The following HDGFL3 variants were observed in gnomAD, a reference collection of about 807,000 sequenced individuals.
The protein encoded by HDGFL3 is hepatoma-derived growth factor-related protein 3.
Under a neutral mutation model 27.6 loss-of-function variants are expected in HDGFL3, and 6 were observed. The ratio of observed to expected loss-of-function variants is 0.22; its 90% CI spans 0.12 to 0.43. The LOEUF is 0.43. HDGFL3 is among the 20% of genes least tolerant of loss of function. HDGFL3 has a pLI of 1.00. For missense variants in HDGFL3, 207 were observed against 250.1 expected, an observed-to-expected ratio of 0.83 and a Z score of 1.16; for synonymous variants, 88 against 88.9, an observed-to-expected ratio of 0.99 and a Z score of 0.05.
At chr15:83,203,278 G>A (rs1009910376) in intron 1 of HDGFL3, among the ~76,000 whole-genome samples, 8 of 151,962 alleles carry the variant, frequency 5.3e-5, no homozygotes, top group Non-Finnish European at 7.4e-5. Flanking sequence ...GAAGAAAACA[G>A]AATTTTGATT....
chr15:83,133,015 C>G lies in HDGFL3; in HGVS notation c.*6255G>C, dbSNP rs1284644866. On this transcript the variant is annotated 3_prime_UTR_variant, in exon 6 of 6. Coordinates refer to ENST00000299633, the MANE Select transcript of HDGFL3 (RefSeq NM_016073.4). ...TATTTCAGTTTTGTACTTGTGTCTACAGAATAGCCCCAAGTGCTTGACACT... is the reference window on the plus strand; with the variant it reads ...TATTTCAGTTTTGTACTTGTGTCTAGAGAATAGCCCCAAGTGCTTGACACT... 1 of 152,180 alleles carries G rather than the reference C, an allele frequency of 6.6e-6. No individual in the cohort carries two copies. The highest frequency in any genetic ancestry group is 2.4e-5 in the African/African-American group (1 of 41,436). 9.4% of individuals were successfully genotyped at this position (152,180 alleles called of 1,614,324 possible).
intron 1 of HDGFL3, among the ~76,000 whole-genome samples, chr15:83,206,221 G>A (rs1384843145): frequency 6.6e-6 from 1 of 152,064 alleles, no homozygotes; most frequent in Non-Finnish European, 1.5e-5. Flanking sequence ...GTGAATGGGT[G>A]TATTTTTTTT....
chr15:83,147,342 G>A (rs556424474), intron 5 of HDGFL3, among the ~76,000 whole-genome samples: 2 of 152,050 alleles, frequency 1.3e-5, no homozygotes, highest in Non-Finnish European at 2.9e-5. Flanking sequence ...CTACAGGTGT[G>A]AGCCACCGCA....
intron 1 of HDGFL3, among the ~76,000 whole-genome samples, chr15:83,196,966 C>T (rs1252074994): frequency 1.3e-5 from 2 of 152,178 alleles, no homozygotes; most frequent in Non-Finnish European, 2.9e-5. Context: ...AGGAGCTGAC[C>T]TAGGGCATGC....
chr15:83,121,518 C>CATT (rs1403048826), intron 3 of HDGFL3, among the ~76,000 whole-genome samples: 12 of 152,222 alleles, frequency 7.9e-5, no homozygotes, highest in Admixed American at 7.8e-4. Context: ...GTCCATTTAA[C>CATT]ATTATCATTG....
rs1162020107 is a variant in HDGFL3, at chr15:83,207,137, G to C, written c.84+194C>G. On this transcript the variant is annotated intron_variant, in intron 1 of 5. Transcript: ENST00000299633. The surrounding 1 kb of genome is among the most constrained non-coding windows in gnomAD (Gnocchi z 4.8). ...GGGCGGAAGGATGGCCGCCCTGGCG[G>C]AGTGCGGGCGAGGCCGGGAGCCCTT... 2.0e-5 allele frequency among the ~76,000 whole-genome samples: 3 copies of C among 152,180 alleles called. No individual in the cohort carries two copies. The highest frequency in any genetic ancestry group is 2.9e-5 in the Non-Finnish European group (2 of 68,020).
intron 3 of HDGFL3, chr15:83,119,808 G>A (rs2035053716): frequency 2.1e-6 from 3 of 1,450,998 alleles, no homozygotes; most frequent in Middle Eastern, 2.1e-4. Context: ...AGTTCCATGG[G>A]TGCACGTCAG....
intron 2 of HDGFL3, among the ~76,000 whole-genome samples, chr15:83,159,972 T>C (rs1341511081): frequency 6.6e-6 from 1 of 152,210 alleles, no homozygotes; most frequent in Non-Finnish European, 1.5e-5. Flanking sequence ...GCTGCTGTAC[T>C]GAAAACAGAC....
chr15:83,175,952 C>T (rs762065398), intron 1 of HDGFL3, among the ~76,000 whole-genome samples: 1 of 152,202 alleles, frequency 6.6e-6, no homozygotes, highest in African/African-American at 2.4e-5. Flanking sequence ...TTCTTAGCCA[C>T]GTTTGGTTGT....
intron 1 of HDGFL3, among the ~76,000 whole-genome samples, chr15:83,174,593 A>C (rs2037287525): frequency 6.6e-6 from 1 of 152,146 alleles, no homozygotes; most frequent in Admixed American, 6.5e-5. Context: ...TTAAATGTAT[A>C]GTTTAGTAGT....
chr15:83,181,483 A>C (rs2037380658), intron 1 of HDGFL3, among the ~76,000 whole-genome samples: 1 of 152,036 alleles, frequency 6.6e-6, no homozygotes. Flanking sequence ...TCTTGTAGTC[A>C]CTTTTTTTTT....
chr15:83,186,494 C>T (rs1489934279), intron 1 of HDGFL3, among the ~76,000 whole-genome samples: 2 of 152,104 alleles, frequency 1.3e-5, no homozygotes, highest in African/African-American at 2.4e-5. Context: ...CATAGATGTT[C>T]AAATAGAAGT....
intron 1 of HDGFL3, among the ~76,000 whole-genome samples, chr15:83,205,640 A>T (rs2151424705): frequency 6.6e-6 from 1 of 152,372 alleles, no homozygotes; most frequent in East Asian, 1.9e-4. Flanking sequence ...AGATTTTAAA[A>T]AGCCATTATG....
intron 3 of HDGFL3, 131 bp from the exon 4 acceptor site, chr15:83,157,704 G>A (rs1264388357): frequency 1.9e-6 from 2 of 1,025,924 alleles, no homozygotes; most frequent in Non-Finnish European, 2.8e-6. Flanking sequence ...ACAAAGGGCT[G>A]TCAAACTGAA....
intron 1 of HDGFL3, among the ~76,000 whole-genome samples, chr15:83,206,211 G>C (rs563022545): frequency 6.6e-6 from 1 of 152,216 alleles, no homozygotes; most frequent in Admixed American, 6.5e-5. Context: ...ACTTCCTTTT[G>C]TGAATGGGTG....
At chr15:83,124,570 CT>C (rs2035560910), downstream of HDGFL3, 1 of 876,224 alleles carries the variant, frequency 1.1e-6, no homozygotes, top group Middle Eastern at 2.3e-4. Flanking sequence ...AATTGTGCAT[CT>C]TCAAAATTCT....
At chr15:83,120,430 T>C (rs2035113176) in intron 3 of HDGFL3, among the ~76,000 whole-genome samples, 1 of 152,152 alleles carries the variant, frequency 6.6e-6, no homozygotes, top group Non-Finnish European at 1.5e-5. Flanking sequence ...GGGAGGGGTC[T>C]TTTCAAAACA....
rs2037054616 is a variant in HDGFL3, at chr15:83,158,005, C to T, written c.198G>A (p.Lys66=). 1 of 1,611,800 alleles carries T rather than the reference C, an allele frequency of 6.2e-7. No individual in the cohort carries two copies. The highest frequency in any genetic ancestry group is 2.2e-5 in the East Asian group (1 of 44,790). The change falls in exon 3 of 6, where the codon AAG becomes AAA. Residue 66 remains lysine (K), a synonymous_variant. Transcript: ENST00000299633. The part of the protein sequence containing the change: ...FLGPKDLFPY[K]EYKDKFGKSN... ...ACTTTCCAAACTTGTCTTTGTACTC[C>T]TTATATGGAAAAAGGTCTTTGGGAC...
intron 3 of HDGFL3, chr15:83,122,149 C>T (rs1352787631): frequency 2.8e-6 from 2 of 722,200 alleles, no homozygotes; most frequent in Non-Finnish European, 4.6e-6. Flanking sequence ...CTTTTTCTCA[C>T]CTTTAAAAAA....
Sources: allele counts gnomAD v4.1 joint callset (sites outside exome capture counted in the v4.1 genomes callset), GRCh38; gene constraint gnomAD v4.1.1; non-coding constraint Gnocchi (gnomAD v3.1); transcripts MANE v1.5; gene names NCBI Gene and HGNC (gene_info 2026-07-23, HGNC 2026-07-21).